DHX15: variants seen among roughly 807,000 people sequenced by gnomAD.
DHX15 encodes DEAH-box helicase 15, also known as ATP-dependent RNA helicase DHX15.
Under a neutral mutation model 94.4 loss-of-function variants are expected in DHX15, and 11 were observed. The ratio of observed to expected loss-of-function variants is 0.12; its 90% CI spans 0.07 to 0.19. DHX15 has a LOEUF of 0.19. Ranked by LOEUF, DHX15 falls within the 10% of genes least tolerant of loss-of-function variation. DHX15 has a pLI of 1.00. For synonymous variants in DHX15, 338 were observed against 329.9 expected (o/e 1.02, Z -0.27); for missense variants, 304 against 988.5 (o/e 0.31, Z 9.29).
intron 3 of DHX15, among the ~76,000 whole-genome samples, chr4:24,569,591 CAAAAAA>C (rs60075617): frequency 3.2e-4 from 22 of 68,658 alleles, no homozygotes; most frequent in Non-Finnish European, 2.9e-4. Context: ...GACTCCATCT[CAAAAAA>C]AAAAAAAAAA....
In DHX15 at chr4:24,548,948, G is replaced by A. The variant is rs765614700; in HGVS notation, c.1155C>T (p.Ile385=). 1.5e-5 allele frequency: 24 copies of A among 1,613,664 alleles called. No homozygotes were observed. In the East Asian group the frequency reaches 5.1e-4, roughly 34 times the overall value. Residue 385 remains isoleucine, a synonymous_variant, in exon 6 of 14, where the codon ATC becomes ATT. Transcript: ENST00000336812. ...GTGGAAGTGTAGAATACAATGGAAT[G>A]ATTTTAATGTCACCAACTTCAGGGC... ...DLGPEVGDIK[I]IPLYSTLPPQ... is the part of the protein sequence containing the mutation.
chr4:24,550,804 C>T (rs533434272), intron 5 of DHX15, among the ~76,000 whole-genome samples: 1 of 152,300 alleles, frequency 6.6e-6, no homozygotes, highest in East Asian at 1.9e-4. Flanking sequence ...ACAAAAACCA[C>T]TAACAATGTC....
At chr4:24,539,545 C>T (rs1034837332) in intron 10 of DHX15, among the ~76,000 whole-genome samples, 8 of 151,968 alleles carry the variant, frequency 5.3e-5, no homozygotes, top group African/African-American at 1.4e-4. Flanking sequence ...GTTTCTTTTA[C>T]CAAGTTTTTC....
chr4:24,563,208 C>A (rs1721920372), intron 3 of DHX15: 1 of 151,908 alleles, frequency 6.6e-6, no homozygotes, highest in African/African-American at 2.4e-5. Context: ...CAAGGCCTTG[C>A]TATGTTGCCC....
At chr4:24,560,894 T>C (rs1688033648) in intron 3 of DHX15, among the ~76,000 whole-genome samples, 1 of 152,204 alleles carries the variant, frequency 6.6e-6, no homozygotes, top group African/African-American at 2.4e-5. Flanking sequence ...ATCCCATTTT[T>C]CACTTAACAA....
chr4:24,529,507 A>G, intron 13 of DHX15, 94 bp downstream of exon 13: 1 of 1,057,968 alleles, frequency 9.5e-7, no homozygotes. Context: ...TAAATTCTCA[A>G]TGAGTGAATG....
intron 3 of DHX15, among the ~76,000 whole-genome samples, chr4:24,556,722 GT>G (rs1553950813): frequency 6.6e-6 from 1 of 152,132 alleles, no homozygotes; most frequent in Non-Finnish European, 1.5e-5. Flanking sequence ...GGCAAAATTC[GT>G]CATTTTCAAT....
At chr4:24,584,284 A>C in intron 1 of DHX15, 39 bp downstream of exon 1, 1 of 1,591,560 alleles carries the variant, frequency 6.3e-7, no homozygotes, top group Non-Finnish European at 8.5e-7. Context: ...GACCCCAACA[A>C]AGCCCGAGCT....
At chr4:24,535,836 A>G (rs1280304435) in intron 11 of DHX15, among the ~76,000 whole-genome samples, 1 of 152,210 alleles carries the variant, frequency 6.6e-6, no homozygotes, top group Non-Finnish European at 1.5e-5. Flanking sequence ...TTTTAAGAGT[A>G]TAACTGAGAT....
chr4:24,560,833 C>T (rs1373370412), intron 3 of DHX15, among the ~76,000 whole-genome samples: 1 of 152,040 alleles, frequency 6.6e-6, no homozygotes, highest in African/African-American at 2.4e-5. Flanking sequence ...GGCTAATATA[C>T]AAAAATGTTC....
In DHX15 at chr4:24,546,622, G is replaced by C. The variant is rs543400323; in HGVS notation, c.1248+2233C>G. Among the ~76,000 whole-genome samples, 5 of 152,202 alleles carry C rather than the reference G, an allele frequency of 3.3e-5. No individual in the cohort carries two copies. The East Asian group carries it at 9.6e-4, about 29-fold the overall frequency. ...ATATGTTGCATTCTCAACCTTTCTT[G>C]ATTGCTAAAAACTTGAAATCGTTCA... is the stretch of plus-strand genomic sequence containing the variant. On this transcript the variant is annotated intron_variant, in intron 6 of 13. Transcript: ENST00000336812.
intron 13 of DHX15, among the ~76,000 whole-genome samples, chr4:24,528,327 T>C (rs1440845881): frequency 2.0e-5 from 3 of 152,202 alleles, no homozygotes; most frequent in African/African-American, 7.2e-5. Context: ...AAGTCACTGA[T>C]TTCTTTACTC....
chr4:24,543,061 T>C, intron 6 of DHX15, 35 bp from the exon 7 acceptor site: 1 of 1,463,758 alleles, frequency 6.8e-7, no homozygotes, highest in Middle Eastern at 1.8e-4. Context: ...TTATATTACA[T>C]ATCAAATAAA....
intron 6 of DHX15, among the ~76,000 whole-genome samples, chr4:24,547,891 A>G (rs1268227025): frequency 3.2e-3 from 37 of 11,666 alleles, no homozygotes; most frequent in African/African-American, 5.4e-3. Context: ...CTCTCTCTCT[A>G]TGTATGTATG....
chr4:24,555,550 T>C (rs1434790408), intron 4 of DHX15, among the ~76,000 whole-genome samples: 1 of 152,182 alleles, frequency 6.6e-6, no homozygotes, highest in East Asian at 1.9e-4. Context: ...TTCTTGCCAG[T>C]GTTGAACCCT....
chr4:24,536,367 A>C lies in DHX15; in HGVS notation c.1909+684T>G, dbSNP rs183006649. On this transcript the variant is annotated intron_variant, in intron 11 of 13. Transcript: ENST00000336812. ...CAGAATACCAAAAAATAACTTTCTAAATTATTTCTGGGTCAAAGAGTATAC... is the reference window on the plus strand; with the variant it reads ...CAGAATACCAAAAAATAACTTTCTACATTATTTCTGGGTCAAAGAGTATAC... Among the ~76,000 whole-genome samples, 78 of 152,280 alleles carry C rather than the reference A, an allele frequency of 5.1e-4. 1 individual carries two copies. The East Asian group carries it at 0.013, about 25-fold the overall frequency.
rs923135328 is a variant in DHX15 at position 24,537,362 on chromosome 4, A to G, written c.1787-189T>C. 1.7e-6 allele frequency: 1 copy of G among 592,476 alleles called. No homozygotes were observed. Among genetic ancestry groups the G allele is most frequent in the Non-Finnish European group, 2.7e-6 (1 of 364,938 alleles). The allele number at this position is 592,476 out of a possible 1,614,324, so 36.7% of individuals were successfully genotyped here. A position where few individuals can be genotyped will look rare whatever the true frequency, so the allele number is the denominator to read the frequency against. On this transcript the variant is annotated intron_variant, in intron 10 of 13. Transcript: ENST00000336812. The surrounding 1 kb of genome is among the most constrained non-coding windows in gnomAD (Gnocchi z 4.7). ...CAACACCTAACCACATCTGTAAGACAAGAGGGTTTCAAAGCTACAGAGTAC... is the reference window on the plus strand; with the variant it reads ...CAACACCTAACCACATCTGTAAGACGAGAGGGTTTCAAAGCTACAGAGTAC...
chr4:24,568,758 C>A (rs1722051591), intron 3 of DHX15, among the ~76,000 whole-genome samples: 1 of 152,138 alleles, frequency 6.6e-6, no homozygotes, highest in Non-Finnish European at 1.5e-5. Flanking sequence ...AGTAAAATCT[C>A]CCCCTTATTA....
intron 1 of DHX15, chr4:24,580,892 G>A (rs1722397411): frequency 6.6e-6 from 1 of 152,056 alleles, no homozygotes; most frequent in African/African-American, 2.4e-5. Flanking sequence ...GTATGTATAA[G>A]GATGTTCATC....
Sources: allele counts gnomAD v4.1 joint callset (sites outside exome capture counted in the v4.1 genomes callset), GRCh38; gene constraint gnomAD v4.1.1; non-coding constraint Gnocchi (gnomAD v3.1); transcripts MANE v1.5; gene names NCBI Gene and HGNC (gene_info 2026-07-23, HGNC 2026-07-21).